Variants in DDN observed in about 807,000 individuals in gnomAD.
DDN encodes the protein dendrin.
DDN carries 4 observed loss-of-function variants against 7.3 expected under a neutral mutation model. The observed-to-expected ratio is 0.55, with a 90% CI of 0.27 to 1.25. The LOEUF is 1.25. DDN is among the 50% of genes most tolerant of loss of function. DDN has a pLI of 0.12. For synonymous variants in DDN, 425 were observed against 424.3 expected, an observed-to-expected ratio of 1.00 and a Z score of -0.02; for missense variants, 933 against 974.7, an observed-to-expected ratio of 0.96 and a Z score of 0.57.
In DDN at chr12:48,997,923, A is replaced by G. The variant is rs759820149; in HGVS notation, c.953T>C (p.Leu318Pro). 2.5e-6 allele frequency: 4 copies of G among 1,612,684 alleles called. No homozygotes were observed. Among genetic ancestry groups the G allele is most frequent in the Non-Finnish European group, 3.4e-6 (4 of 1,179,918 alleles). ...GTTCAGGTCAGCAGCAGCCAGCCCC[A>G]GGCTTTTCTCCACGACCCCCTTGCC... is the stretch of plus-strand genomic sequence containing the variant. ...EPGKGVVEKS[L>P]GLAAADLNSG... is the part of the protein sequence containing the mutation. The change falls in exon 2 of 2, where the codon CTG becomes CCG. Residue 318 changes from leucine (L) to proline (P), a missense_variant. Coordinates refer to ENST00000421952, the MANE Select transcript of DDN (RefSeq NM_015086.2).
At position 48,996,348 on chromosome 12, in the gene DDN, A is replaced by G; in HGVS notation, c.*392T>C. Reference sequence around the variant, plus strand: ...TCTGTCATCTGATCACTCTGTCACCAGGTCCAAAGCCTCTCCTTCACTTTT... The same window carrying G: ...TCTGTCATCTGATCACTCTGTCACCGGGTCCAAAGCCTCTCCTTCACTTTT... On this transcript the variant is annotated 3_prime_UTR_variant, in exon 2 of 2. Transcript: ENST00000421952. 5.7e-6 allele frequency: 1 copy of G among 176,624 alleles called. No individual in the cohort carries two copies. Among genetic ancestry groups the G allele is most frequent in the Non-Finnish European group, 1.2e-5 (1 of 82,392 alleles). 10.9% of individuals were successfully genotyped at this position (176,624 alleles called of 1,614,324 possible).
rs1290884356 is a variant in DDN at position 48,995,210 on chromosome 12, A to G, written c.*1530T>C. On this transcript the variant is annotated 3_prime_UTR_variant, in exon 2 of 2. Coordinates refer to ENST00000421952, the MANE Select transcript of DDN (RefSeq NM_015086.2). ...TGCCAGGCAGTGTGCAAGGCGCTTTACATACATTATCGCATTAAATCCTCA... is the reference window on the plus strand; with the variant it reads ...TGCCAGGCAGTGTGCAAGGCGCTTTGCATACATTATCGCATTAAATCCTCA... 2 of 152,482 alleles carry G rather than the reference A, an allele frequency of 1.3e-5. No homozygotes were observed. Among genetic ancestry groups the G allele is most frequent in the African/African-American group, 2.4e-5 (1 of 41,468 alleles). 9.4% of individuals were successfully genotyped at this position (152,482 alleles called of 1,614,324 possible).
At position 48,997,538 on chromosome 12, in the gene DDN, C is replaced by T; in HGVS notation, c.1338G>A (p.Leu446=). 1 of 1,606,632 alleles carries T rather than the reference C, an allele frequency of 6.2e-7. No individual in the cohort carries two copies. The highest frequency in any genetic ancestry group is 8.5e-7 in the Non-Finnish European group (1 of 1,174,844). ...TGACAAAGACGCCTTCCCCACGGGACAGGCCCTGGGAACTGCGGGGCAAGG... is the reference window on the plus strand; with the variant it reads ...TGACAAAGACGCCTTCCCCACGGGATAGGCCCTGGGAACTGCGGGGCAAGG... ...AHTLPRSSQG[L]SRGEGVFVID... Residue 446 remains leucine (L), a synonymous_variant, in exon 2 of 2, where the codon CTG becomes CTA. Coordinates refer to ENST00000421952, the MANE Select transcript of DDN (RefSeq NM_015086.2).
rs1462340123 is a variant in DDN at position 48,997,764 on chromosome 12, G to A, written c.1112C>T (p.Ser371Leu). Residue 371 changes from serine to leucine, a missense_variant, in exon 2 of 2, where the codon TCG (serine) becomes TTG (leucine). Coordinates refer to ENST00000421952, the MANE Select transcript of DDN (RefSeq NM_015086.2). ...APRSRHHLKG[S>L]REGKEGEQIW... ...CTGTTCTCCTTCTTTCCCTTCCCTC[G>A]AGCCCTTGAGGTGGTGCCTGGATCT... 4 of 1,608,630 alleles carry A rather than the reference G, an allele frequency of 2.5e-6. No individual in the cohort carries two copies. In the Admixed American group the frequency reaches 5.0e-5, roughly 20 times the overall value.
rs1941205781 is a variant in DDN, at chr12:48,996,507, C to T, written c.*233G>A. 2 of 654,010 alleles carry T rather than the reference C, an allele frequency of 3.1e-6. No individual in the cohort carries two copies. The highest frequency in any genetic ancestry group is 6.4e-5 in the Admixed American group (2 of 31,270). 40.5% of individuals were successfully genotyped at this position (654,010 alleles called of 1,614,324 possible). A position where few individuals can be genotyped will look rare whatever the true frequency, so the allele number is the denominator to read the frequency against. On this transcript the variant is annotated 3_prime_UTR_variant, in exon 2 of 2. Transcript: ENST00000421952. ...GCATCAGCCCCTGCGAAGAGCTCACCCTTGTGCCCTGAACATAACAGACAT... is the reference window on the plus strand; with the variant it reads ...GCATCAGCCCCTGCGAAGAGCTCACTCTTGTGCCCTGAACATAACAGACAT...
Position 48,996,475 on chromosome 12 carries a change from A to G in DDN, c.*265T>C. On this transcript the variant is annotated 3_prime_UTR_variant, in exon 2 of 2. Coordinates refer to ENST00000421952, the MANE Select transcript of DDN (RefSeq NM_015086.2). ...GTTAGGCCTCTCTGCTCAGCTCCAC[A>G]CCCAGTGCATCAGCCCCTGCGAAGA... 2.2e-6 allele frequency: 1 copy of G among 462,108 alleles called. No individual in the cohort carries two copies. Among genetic ancestry groups the G allele is most frequent in the Middle Eastern group, 6.5e-4 (1 of 1,548 alleles). 28.6% of individuals were successfully genotyped at this position (462,108 alleles called of 1,614,324 possible).
chr12:48,996,658 C>CA lies in DDN; in HGVS notation c.*81dup, dbSNP rs1236609264. The CA allele has an allele frequency of 6.5e-7, 1 of 1,529,582 alleles. No individual in the cohort carries two copies. Among genetic ancestry groups the CA allele is most frequent in the East Asian group, 2.3e-5 (1 of 43,986 alleles). 94.8% of individuals were successfully genotyped at this position (1,529,582 alleles called of 1,614,324 possible). On this transcript the variant is annotated 3_prime_UTR_variant, in exon 2 of 2. Transcript: ENST00000421952. Reference sequence around the variant, plus strand: ...GGTAAAGATACAAGGAAAAGAGAAGCAAAGGAAGTCTGTGGGGAAGAATGG... The same window carrying CA: ...GGTAAAGATACAAGGAAAAGAGAAGCAAAAGGAAGTCTGTGGGGAAGAATGG...
Sources: allele counts gnomAD v4.1 joint callset, GRCh38; gene constraint gnomAD v4.1.1; transcripts MANE v1.5; gene names NCBI Gene and HGNC (gene_info 2026-07-23, HGNC 2026-07-21).